Variants in OR11A1 observed in about 807,000 individuals in gnomAD.
OR11A1 encodes olfactory receptor family 11 subfamily A member 1.
For synonymous variants in OR11A1, 158 were observed against 152.2 expected, an observed-to-expected ratio of 1.04 and a Z score of -0.28; for missense variants, 380 against 378.2, an observed-to-expected ratio of 1.00 and a Z score of -0.04.
intron 1 of OR11A1, among the ~76,000 whole-genome samples, chr6:29,452,883 T>C (rs1785577625): frequency 6.6e-6 from 1 of 152,110 alleles, no homozygotes; most frequent in Non-Finnish European, 1.5e-5. Context: ...AGTTATCTTC[T>C]TCCTTTTCTT....
rs1055996126 is a variant in OR11A1, at chr6:29,431,884, T to C, written c.-285A>G. 8.1e-6 allele frequency: 8 copies of C among 985,416 alleles called. No individual in the cohort carries two copies. The highest frequency in any genetic ancestry group is 9.6e-6 in the Non-Finnish European group (8 of 829,898). 61.0% of individuals were successfully genotyped at this position (985,416 alleles called of 1,614,324 possible). A position where few individuals can be genotyped will look rare whatever the true frequency, so the allele number is the denominator to read the frequency against. ...CGTACCCGAAATATCGACCCTGTTC[T>C]CTAAAGACAGGACTGTGAGGAGGAG... On this transcript the variant is annotated 5_prime_UTR_variant, in exon 2 of 5. Coordinates refer to ENST00000377149, the MANE Select transcript of OR11A1 (RefSeq NM_001394828.1).
At chr6:29,432,537 G>C (rs1301650770) in intron 1 of OR11A1, among the ~76,000 whole-genome samples, 1 of 152,146 alleles carries the variant, frequency 6.6e-6, no homozygotes, top group Admixed American at 6.5e-5. Flanking sequence ...TGTTTCAATA[G>C]GTACCACCCT....
At position 29,427,179 on chromosome 6, in the gene OR11A1, C is replaced by T. The variant is rs1186037687; in HGVS notation, c.463G>A (p.Val155Met). 1.2e-6 allele frequency: 2 copies of T among 1,613,118 alleles called. No individual in the cohort carries two copies. The highest frequency in any genetic ancestry group is 1.7e-6 in the Non-Finnish European group (2 of 1,180,022). The change falls in exon 5 of 5, where the codon GTG becomes ATG. Residue 155 changes from valine to methionine, a missense_variant. By Grantham distance (21) the Val-to-Met change is conservative. Transcript: ENST00000377149. ...AGGGCCACAACCAGTCCATCTACCA[C>T]AAATCCAGAGAGCCAGGTTGTGACC... ...LVVTTWLSGF[V>M]VDGLVVALVA...
chr6:29,439,734 A>C (rs1783943428), intron 1 of OR11A1: 11 of 478,788 alleles, frequency 2.3e-5, no homozygotes, highest in Non-Finnish European at 3.7e-6. Context: ...AGACAGTTTA[A>C]CATGTTCTTT....
chr6:29,433,755 A>G (rs567881596), intron 1 of OR11A1, among the ~76,000 whole-genome samples: 3 of 152,082 alleles, frequency 2.0e-5, no homozygotes, highest in Non-Finnish European at 2.9e-5. Flanking sequence ...AAACCTCCAC[A>G]GTGTATTTAA....
intron 4 of OR11A1, among the ~76,000 whole-genome samples, chr6:29,428,663 A>G (rs1426738264): frequency 6.6e-6 from 1 of 150,500 alleles, no homozygotes; most frequent in Non-Finnish European, 1.5e-5. Flanking sequence ...ATGCCGAGGC[A>G]GAAGAATGGC....
chr6:29,440,091 C>T, intron 1 of OR11A1: 2 of 1,613,258 alleles, frequency 1.2e-6, no homozygotes, highest in Non-Finnish European at 1.7e-6. Context: ...CCAGGGCTTG[C>T]TCTTCTCTGT....
In OR11A1 at chr6:29,441,648, G is replaced by T. The variant is rs1189367836; in HGVS notation, c.-388-9661C>A. Among the ~76,000 whole-genome samples the T allele has an allele frequency of 2.6e-5, 4 of 152,182 alleles. No individual in the cohort carries two copies. The East Asian group carries it at 5.8e-4, about 22-fold the overall frequency. On this transcript the variant is annotated intron_variant, in intron 1 of 4. Coordinates refer to ENST00000377149, the MANE Select transcript of OR11A1 (RefSeq NM_001394828.1). ...GGTACATGTGCAGGTTTGTTATATA[G>T]GTAAATTTCACCTCACAGTGATTAT...
intron 1 of OR11A1, chr6:29,440,778 C>T: frequency 6.2e-7 from 1 of 1,613,934 alleles, no homozygotes; most frequent in South Asian, 1.1e-5. Flanking sequence ...TGGCACCGCA[C>T]TCTTTATCTA....
chr6:29,456,705 C>T (rs183522002), intron 1 of OR11A1, among the ~76,000 whole-genome samples: 1 of 152,174 alleles, frequency 6.6e-6, no homozygotes, highest in African/African-American at 2.4e-5. Context: ...AAACTGGAAA[C>T]CACCCCACAC....
chr6:29,428,294 T>C, intron 4 of OR11A1: 1 of 985,148 alleles, frequency 1.0e-6, no homozygotes, highest in Non-Finnish European at 1.2e-6. Flanking sequence ...CATTCAGGAG[T>C]TGGTAGTGAA....
intron 1 of OR11A1, chr6:29,441,039 T>C: frequency 2.2e-6 from 2 of 901,472 alleles, no homozygotes; most frequent in Non-Finnish European, 3.4e-6. Flanking sequence ...AAGGTCTTTC[T>C]TCACATTAGG....
chr6:29,442,435 C>A (rs1001903235), intron 1 of OR11A1, among the ~76,000 whole-genome samples: 1 of 152,196 alleles, frequency 6.6e-6, no homozygotes, highest in Non-Finnish European at 1.5e-5. Context: ...AATCTACATA[C>A]TTTATATCAT....
Position 29,427,016 on chromosome 6 carries a change from G to C in OR11A1, c.626C>G (p.Thr209Ser), listed in dbSNP as rs757346833. ...TTLILSVFCLTIPFGLILTSY... is the reference protein window; with the variant it reads ...TTLILSVFCLSIPFGLILTSY... Reference sequence around the variant, plus strand: ...TGTCAGAATCAGTCCAAAAGGAATAGTGAGGCAGAACACAGACAGAATGAG... The same window carrying C: ...TGTCAGAATCAGTCCAAAAGGAATACTGAGGCAGAACACAGACAGAATGAG... Residue 209 changes from threonine (T) to serine (S), a missense_variant, in exon 5 of 5, where the codon ACT becomes AGT. Transcript: ENST00000377149. 2.5e-6 allele frequency: 4 copies of C among 1,612,682 alleles called. No individual in the cohort carries two copies. Among genetic ancestry groups the C allele is most frequent in the South Asian group, 1.1e-5 (1 of 91,080 alleles).
At chr6:29,447,045 A>T (rs1319137433) in intron 1 of OR11A1, among the ~76,000 whole-genome samples, 2 of 152,206 alleles carry the variant, frequency 1.3e-5, no homozygotes, top group African/African-American at 4.8e-5. Context: ...TTACCTAATA[A>T]CTGGAACTTA....
intron 1 of OR11A1, chr6:29,440,883 A>G: frequency 6.2e-7 from 1 of 1,613,850 alleles, no homozygotes; most frequent in Non-Finnish European, 8.5e-7. Context: ...CATCATCTAC[A>G]GCCTGCGGAA....
At chr6:29,454,166 C>A (rs116598011) in intron 1 of OR11A1, among the ~76,000 whole-genome samples, 3,904 of 152,212 alleles carry the variant, frequency 0.026, 77 homozygotes, top group African/African-American at 0.055. Flanking sequence ...AGAGAAAAGA[C>A]TGCAGTTAAT....
chr6:29,440,897 A>T (rs944697580), intron 1 of OR11A1: 4 of 1,613,742 alleles, frequency 2.5e-6, no homozygotes, highest in Non-Finnish European at 3.4e-6. Context: ...TGCGGAACAC[A>T]GAGGTCAAAG....
chr6:29,429,064 C>T, intron 3 of OR11A1, 104 bp from the exon 4 acceptor site: 3 of 180,760 alleles, frequency 1.7e-5, no homozygotes, highest in Non-Finnish European at 2.1e-5. Flanking sequence ...ATAATACTAA[C>T]AGTGTTACTT....
Sources: gnomAD v4.1 joint callset for allele counts (sites outside exome capture counted in the v4.1 genomes callset) on GRCh38, gnomAD v4.1.1 for gene constraint, MANE v1.5 for transcripts, NCBI Gene and HGNC (gene_info 2026-07-23, HGNC 2026-07-21) for gene names.